UBA7: variants seen among roughly 807,000 people sequenced by gnomAD.
UBA7 encodes the protein ubiquitin like modifier activating enzyme 7.
UBA7 carries 88 observed loss-of-function variants against 113.0 expected under a neutral mutation model. The ratio of observed to expected loss-of-function variants is 0.78; its 90% confidence interval spans 0.66 to 0.93. UBA7 has a LOEUF of 0.93. Among genes scored for constraint, UBA7 ranks in the 40% least tolerant of loss-of-function variants. The pLI, the probability that UBA7 is intolerant of heterozygous loss-of-function variation, is 0.00. For missense variants in UBA7, 1,092 were observed against 1,266.4 expected (o/e 0.86, Z 2.09); for synonymous variants, 459 against 513.0 (o/e 0.89, Z 1.42).
Position 49,811,886 on chromosome 3 carries a change from G to A in UBA7, c.923C>T (p.Pro308Leu), listed in dbSNP as rs910929042. The change falls in exon 8 of 24, where the codon CCC becomes CTC. Residue 308 changes from proline to leucine, a missense_variant. Physicochemically the swap from Pro to Leu is moderately conservative, Grantham distance 98. This residue lies in a region of UBA7 where 584 missense variants were observed against 714.5 expected (regional missense o/e 0.82). Coordinates refer to ENST00000333486, the MANE Select transcript of UBA7 (RefSeq NM_003335.3). The part of the protein sequence containing the change: ...HKFQHLHGRP[P>L]QPWDPVDAET... ...ACTACTCACAGGATCCCAGGGCTGG[G>A]GTGGCCGGCCATGGAGGTGCTGGAA... is the stretch of plus-strand genomic sequence containing the variant. 10 of 1,613,630 alleles carry A rather than the reference G, an allele frequency of 6.2e-6. No homozygotes were observed. The highest frequency in any genetic ancestry group is 8.5e-6 in the Non-Finnish European group (10 of 1,180,006).
chr3:49,805,455 A>G lies in UBA7; in HGVS notation c.2910-18T>C. On this transcript the variant is annotated intron_variant, in intron 23 of 23. Transcript: ENST00000333486. ...CTGTCACCCTGGTAGGGGTGGGTTT[A>G]GGGGAGATTGGAGAGGTGAGCCATG... 6.2e-7 allele frequency: 1 copy of G among 1,610,838 alleles called. No individual in the cohort carries two copies. The highest frequency in any genetic ancestry group is 8.5e-7 in the Non-Finnish European group (1 of 1,178,244).
At chr3:49,809,311 C>G (rs1337722751) in intron 17 of UBA7, 79 bp downstream of exon 17, 23 of 1,569,884 alleles carry the variant, frequency 1.5e-5, no homozygotes, top group Non-Finnish European at 1.8e-5. Flanking sequence ...CTGTGCATCT[C>G]TGCAGAATGC....
At position 49,810,193 on chromosome 3, in the gene UBA7, G is replaced by T; in HGVS notation, c.1634-10C>A. 6.2e-7 allele frequency: 1 copy of T among 1,612,876 alleles called. No individual in the cohort carries two copies. Among genetic ancestry groups the T allele is most frequent in the Non-Finnish European group, 8.5e-7 (1 of 1,179,406 alleles). ...GCAGCCACATAGCGCCCTGGCAAGG[G>T]AGCAGTGGGTCAGAAGTGGGACTGG... is the stretch of plus-strand genomic sequence containing the variant. On this transcript the variant is annotated splice_polypyrimidine_tract_variant and intron_variant, in intron 13 of 23. Coordinates refer to ENST00000333486, the MANE Select transcript of UBA7 (RefSeq NM_003335.3). The surrounding 1 kb of genome is among the most constrained non-coding windows in gnomAD (Gnocchi z 5.6).
chr3:49,810,102 G>C lies in UBA7; in HGVS notation c.1715C>G (p.Thr572Arg). Residue 572 changes from threonine (T) to arginine (R), a missense_variant, in exon 14 of 24, where the codon ACA (threonine) becomes AGA (arginine). By Grantham distance (71) the Thr-to-Arg change is moderately conservative. Around this residue, in one of 3 missense-constraint regions of UBA7, gnomAD observed 8 missense variants for 22.5 expected, o/e 0.36. Transcript: ENST00000333486. The surrounding 1 kb of genome is among the most constrained non-coding windows in gnomAD (Gnocchi z 5.6). Reference protein sequence around the residue: ...AGTSGTWGSATVFMPHVTEAY... With the variant: ...AGTSGTWGSARVFMPHVTEAY... ...CTCAGTCACATGTGGCATGAATACT[G>C]TAGCACTGCCCCAGGTGCCCGATGT... 1 of 1,612,904 alleles carries C rather than the reference G, an allele frequency of 6.2e-7. No individual in the cohort carries two copies. Among genetic ancestry groups the C allele is most frequent in the Non-Finnish European group, 8.5e-7 (1 of 1,180,006 alleles).
chr3:49,810,524 T>TC lies in UBA7; in HGVS notation c.1459dup (p.Asp487GlyfsTer4). The TC allele has an allele frequency of 6.2e-7, 1 of 1,614,054 alleles. No homozygotes were observed. Among genetic ancestry groups the TC allele is most frequent in the Non-Finnish European group, 8.5e-7 (1 of 1,179,986 alleles). Reference sequence around the variant, plus strand: ...AGAGGGGTCAGCACTCACACCAACGTCCTGGGACCTGAAGAGGAACTGACG... The same window carrying TC: ...AGAGGGGTCAGCACTCACACCAACGTCCCTGGGACCTGAAGAGGAACTGACG... On this transcript the variant is annotated frameshift_variant, in exon 12 of 24. Coordinates refer to ENST00000333486, the MANE Select transcript of UBA7 (RefSeq NM_003335.3). LOFTEE classifies it high-confidence loss of function. The surrounding 1 kb of genome is among the most constrained non-coding windows in gnomAD (Gnocchi z 5.6).
At chr3:49,809,759 C>T (rs751846736) in intron 15 of UBA7, 34 bp from the exon 16 acceptor site, 1 of 1,613,906 alleles carries the variant, frequency 6.2e-7, no homozygotes, top group African/African-American at 1.3e-5. Context: ...AGACTGAGTC[C>T]TGCAGACTCA....
At chr3:49,805,798 G>A in intron 23 of UBA7, 99 bp downstream of exon 23, 5 of 1,182,974 alleles carry the variant, frequency 4.2e-6, no homozygotes, top group Non-Finnish European at 6.0e-6. Flanking sequence ...GAAGGTGTGA[G>A]GGGCCCAGAA....
chr3:49,812,398 A>G lies in UBA7; in HGVS notation c.694+10T>C, dbSNP rs746805511. ...GCCCTGCACCTGGAATTGGAATGGG[A>G]TTGGCTTACCCCGCACGTGGATAGA... On this transcript the variant is annotated intron_variant, in intron 6 of 23. Transcript: ENST00000333486. The G allele has an allele frequency of 6.8e-6, 11 of 1,613,854 alleles. No individual in the cohort carries two copies. In the African/African-American group the frequency reaches 1.3e-4, roughly 20 times the overall value.
In UBA7 at chr3:49,811,964, T is replaced by A. The variant is rs1334689253; in HGVS notation, c.845A>T (p.Gln282Leu). The change falls in exon 8 of 24, where the codon CAG becomes CTG. Residue 282 changes from glutamine to leucine, a missense_variant. Physicochemically the swap from Gln to Leu is moderately radical, Grantham distance 113 (BLOSUM62 -2). Around this residue, in one of 3 missense-constraint regions of UBA7, gnomAD observed 584 missense variants for 714.5 expected, o/e 0.82. Coordinates refer to ENST00000333486, the MANE Select transcript of UBA7 (RefSeq NM_003335.3). ...CAGGCAGTGGGCATGGTGAACTTCC[T>A]GGGAGCTCTGGGCCACCACATGGGG... is the stretch of plus-strand genomic sequence containing the variant. ...LQPHVVAQSS[Q>L]EVHHAHCLHQ... The A allele has an allele frequency of 6.2e-7, 1 of 1,614,212 alleles. No homozygotes were observed.
chr3:49,806,257 A>T, intron 21 of UBA7, 92 bp from the exon 22 acceptor site: 1 of 1,012,950 alleles, frequency 9.9e-7, no homozygotes, highest in East Asian at 2.8e-5. Context: ...GAAGAGCTGG[A>T]CTAGCAGGAA....
chr3:49,809,416 G>A lies in UBA7; in HGVS notation c.2137C>T (p.Gln713Ter). The part of the protein sequence containing the change: ...PFWSGPKQCP[Q>*]PLEFDTNQDT... ...TGGTTGGTGTCAAACTCCAAGGGCT[G>A]GGGACACTGTTTGGGACCTGACCAG... Residue 713 changes from glutamine (Q) to a stop codon, truncating the protein, a stop_gained, in exon 17 of 24, where the codon CAG becomes TAG. Transcript: ENST00000333486. LOFTEE classifies it high-confidence loss of function. 1 of 1,614,166 alleles carries A rather than the reference G, an allele frequency of 6.2e-7. No homozygotes were observed.
In UBA7 at chr3:49,807,578, G is replaced by C. The variant is rs544615827; in HGVS notation, c.2715+158C>G. Among the ~76,000 whole-genome samples the C allele has an allele frequency of 6.6e-6, 1 of 152,266 alleles. No individual in the cohort carries two copies. The highest frequency in any genetic ancestry group is 1.9e-4 in the East Asian group (1 of 5,178). On this transcript the variant is annotated intron_variant, in intron 21 of 23. Transcript: ENST00000333486. This position sits in a 1 kb window ranked among gnomAD's most constrained non-coding sequence, Gnocchi z 4.0. ...TGCTTCCTGTGTCTGACAGGTCCCA[G>C]CCTGGCTTCATAGCAGGAAGAGGGC...
chr3:49,813,691 T>G, intron 1 of UBA7, 41 bp downstream of exon 1: 2 of 1,614,226 alleles, frequency 1.2e-6, no homozygotes, highest in Non-Finnish European at 1.7e-6. Context: ...GATCAAGGTC[T>G]GAAGACCATC....
Position 49,811,499 on chromosome 3 carries a change from C to T in UBA7, c.940-44G>A. ...GGGCATAGTAGCCCCAGCCTGAGCT[C>T]TACTCCTGACTCAAATCCTTCCAGC... On this transcript the variant is annotated intron_variant, in intron 8 of 23. Transcript: ENST00000333486. 2.6e-6 allele frequency: 4 copies of T among 1,549,670 alleles called. No homozygotes were observed. In the African/African-American group the frequency reaches 4.1e-5, roughly 16 times the overall value.
chr3:49,812,139 A>G lies in UBA7; in HGVS notation c.762T>C (p.Thr254=). ...FSRYLRGGAI[T]EVKRPKTVRH... Reference sequence around the variant, plus strand: ...TCACAGTCTTGGGTCTCTTGACTTCAGTGATAGCCCCACCACGCAAGTACC... The same window carrying G: ...TCACAGTCTTGGGTCTCTTGACTTCGGTGATAGCCCCACCACGCAAGTACC... Residue 254 remains threonine, a synonymous_variant, in exon 7 of 24, where the codon ACT becomes ACC. Transcript: ENST00000333486. The G allele has an allele frequency of 6.2e-7, 1 of 1,614,212 alleles. No homozygotes were observed. The highest frequency in any genetic ancestry group is 1.1e-5 in the South Asian group (1 of 91,082).
chr3:49,812,020 C>T lies in UBA7; in HGVS notation c.793-4G>A, dbSNP rs879146696. 1 of 1,614,180 alleles carries T rather than the reference C, an allele frequency of 6.2e-7. No individual in the cohort carries two copies. The highest frequency in any genetic ancestry group is 1.3e-5 in the African/African-American group (1 of 75,044). On this transcript the variant is annotated splice_region_variant and splice_polypyrimidine_tract_variant and intron_variant, in intron 7 of 23. Coordinates refer to ENST00000333486, the MANE Select transcript of UBA7 (RefSeq NM_003335.3). Reference sequence around the variant, plus strand: ...GCAGGGCTGTGTCCAGGGACTTCTGCAAGGGCACCTGGCTCAGGGTCTAGT... The same window carrying T: ...GCAGGGCTGTGTCCAGGGACTTCTGTAAGGGCACCTGGCTCAGGGTCTAGT...
intron 8 of UBA7, 27 bp downstream of exon 8, chr3:49,811,843 G>T: frequency 6.2e-7 from 1 of 1,610,220 alleles, no homozygotes; most frequent in Non-Finnish European, 8.5e-7. Context: ...GACAGAGGCT[G>T]GGGGTGGGAG....
At position 49,809,995 on chromosome 3, in the gene UBA7, C is replaced by A. The variant is rs182541079; in HGVS notation, c.1822G>T (p.Ala608Ser). 6.7e-5 allele frequency: 108 copies of A among 1,613,806 alleles called. 1 individual carries two copies. In the East Asian group the frequency reaches 1.5e-3, roughly 22 times the overall value. The part of the protein sequence containing the change: ...VCTVRYFPST[A>S]EHTLQWARHE... ...CTTCCTACCTGCAGGGTGTGCTCGG[C>A]TGTGCTAGGGAAGTACCGCACGGTA... The change falls in exon 14 of 24, where the codon GCC becomes TCC. Residue 608 changes from alanine to serine, a missense_variant. Around this residue, in one of 3 missense-constraint regions of UBA7, gnomAD observed 500 missense variants for 529.3 expected, o/e 0.94. Transcript: ENST00000333486.
At position 49,810,713 on chromosome 3, in the gene UBA7, C is replaced by T. The variant is rs1016938822; in HGVS notation, c.1311+39G>A. 1 of 1,614,076 alleles carries T rather than the reference C, an allele frequency of 6.2e-7. No individual in the cohort carries two copies. Among genetic ancestry groups the T allele is most frequent in the Non-Finnish European group, 8.5e-7 (1 of 1,179,960 alleles). ...GCCTTAGCCAGAGGGGCTGGGCTGG[C>T]TCTCCCAAAGGCACCCCCAGTCTCA... On this transcript the variant is annotated intron_variant, in intron 11 of 23. Transcript: ENST00000333486. The surrounding 1 kb of genome is among the most constrained non-coding windows in gnomAD (Gnocchi z 5.6).
Sources: allele counts gnomAD v4.1 joint callset (sites outside exome capture counted in the v4.1 genomes callset), GRCh38; gene constraint gnomAD v4.1.1; regional missense constraint gnomAD v4.1.1; non-coding constraint Gnocchi (gnomAD v3.1); transcripts MANE v1.5; gene names NCBI Gene and HGNC (gene_info 2026-07-23, HGNC 2026-07-21).